The following COX7C variants were observed in gnomAD, a reference collection of about 807,000 sequenced individuals.
The protein encoded by COX7C is cytochrome c oxidase subunit 7C, mitochondrial.
Under a neutral mutation model 6.4 loss-of-function variants are expected in COX7C, and 1 was observed. The ratio of observed to expected loss-of-function variants is 0.16; its 90% confidence interval spans 0.06 to 0.74. The LOEUF is 0.74. Ranked by LOEUF, COX7C falls within the 30% of genes least tolerant of loss-of-function variation. The pLI is 0.78. For synonymous variants in COX7C, 24 were observed against 28.9 expected (o/e 0.83, Z 0.54); for missense variants, 54 against 73.7 (o/e 0.73, Z 0.98).
At chr5:86,620,273 A>C (rs1448313212) in intron 2 of COX7C, 1 of 152,468 alleles carries the variant, frequency 6.6e-6, no homozygotes, top group Non-Finnish European at 1.5e-5. Context: ...GGGCAAAATT[A>C]CCAGTGGTGC....
intron 2 of COX7C, 101 bp from the exon 3 acceptor site, chr5:86,620,567 T>C (rs1359452911): frequency 2.7e-6 from 1 of 371,736 alleles, no homozygotes; most frequent in African/African-American, 2.1e-5. Context: ...CTTTCTGATG[T>C]ACTACTCAAA....
intron 2 of COX7C, 60 bp from the exon 3 acceptor site, chr5:86,620,608 G>C (rs1750101953): frequency 2.4e-6 from 1 of 424,922 alleles, no homozygotes; most frequent in Non-Finnish European, 4.9e-6. Flanking sequence ...GAAACTACAT[G>C]ATTTCTGTTA....
In COX7C at chr5:86,618,149, C is replaced by G; in HGVS notation, c.75+19C>G. 3 of 1,612,884 alleles carry G rather than the reference C, an allele frequency of 1.9e-6. No individual in the cohort carries two copies. Among genetic ancestry groups the G allele is most frequent in the Non-Finnish European group, 1.7e-6 (2 of 1,178,980 alleles). On this transcript the variant is annotated intron_variant, in intron 1 of 2. Transcript: ENST00000247655. Reference sequence around the variant, plus strand: ...TGGGAAGGTTAGTGTGTAAGGGGCACGGCTTCGTTGGGGGAGGGGGCGCTT... The same window carrying G: ...TGGGAAGGTTAGTGTGTAAGGGGCAGGGCTTCGTTGGGGGAGGGGGCGCTT...
rs1750071688 is a variant in COX7C at position 86,619,432 on chromosome 5, C to G, written c.155C>G (p.Pro52Arg). The change falls in exon 2 of 3, where the codon CCC becomes CGC. Residue 52 changes from proline to arginine, a missense_variant. Physicochemically the swap from Pro to Arg is moderately radical, Grantham distance 103. Transcript: ENST00000247655. ...TACTTTGGATCTGCATTTGCTACAC[C>G]CTTCCTTGTAGTAAGACACCAACTG... ...CLYFGSAFAT[P>R]FLVVRHQLLK... 1.2e-6 allele frequency: 2 copies of G among 1,613,240 alleles called. No homozygotes were observed. The highest frequency in any genetic ancestry group is 1.7e-6 in the Non-Finnish European group (2 of 1,179,330).
At chr5:86,618,414 C>T in intron 1 of COX7C, 1 of 432,212 alleles carries the variant, frequency 2.3e-6, no homozygotes, top group Non-Finnish European at 4.3e-6. Flanking sequence ...CTCCGGGAGG[C>T]CACGGCTGTA....
chr5:86,619,705 G>A (rs1368092487), intron 2 of COX7C: 7 of 411,600 alleles, frequency 1.7e-5, no homozygotes, highest in Non-Finnish European at 2.7e-5. Flanking sequence ...CTGCTTATCA[G>A]GTACACTTTA....
chr5:86,618,243 G>T (rs1347155620), intron 1 of COX7C, 113 bp downstream of exon 1: 3 of 944,112 alleles, frequency 3.2e-6, no homozygotes, highest in Middle Eastern at 2.1e-4. Flanking sequence ...CAGAAACCAG[G>T]CTGAGACGCA....
intron 2 of COX7C, chr5:86,619,794 G>A: frequency 4.4e-6 from 1 of 226,620 alleles, no homozygotes; most frequent in South Asian, 8.0e-5. Context: ...ATGTTAAGTT[G>A]TTCAACATCT....
At chr5:86,618,859 C>T (rs866124600) in intron 1 of COX7C, among the ~76,000 whole-genome samples, 3 of 151,550 alleles carry the variant, frequency 2.0e-5, no homozygotes, top group Non-Finnish European at 4.4e-5. Flanking sequence ...GTGTGTGCCT[C>T]TAATCCCAGC....
In COX7C at chr5:86,619,487, C is replaced by T; in HGVS notation, c.*18C>T. On this transcript the variant is annotated 3_prime_UTR_variant, in exon 2 of 3. Coordinates refer to ENST00000247655, the MANE Select transcript of COX7C (RefSeq NM_001867.3). The stretch of plus-strand genomic sequence containing the variant: ...AAACATAAGGATGTTTCAGTTCCTC[C>T]ATTTAACAGGTAGTTAGTGGATTTC... 6.8e-7 allele frequency: 1 copy of T among 1,477,614 alleles called. No individual in the cohort carries two copies. The highest frequency in any genetic ancestry group is 9.5e-7 in the Non-Finnish European group (1 of 1,055,832). 91.5% of individuals were successfully genotyped at this position (1,477,614 alleles called of 1,614,324 possible).
intron 1 of COX7C, among the ~76,000 whole-genome samples, chr5:86,618,795 A>G (rs1750056022): frequency 6.6e-6 from 1 of 152,144 alleles, no homozygotes; most frequent in Admixed American, 6.5e-5. Flanking sequence ...CCTGGCCAAC[A>G]TGGCGAAACC....
chr5:86,619,259 A>C (rs1482447346), intron 1 of COX7C, 94 bp from the exon 2 acceptor site: 4 of 777,890 alleles, frequency 5.1e-6, no homozygotes, highest in Non-Finnish European at 9.0e-6. Flanking sequence ...ATGATGTAAA[A>C]TATAACTAGC....
At chr5:86,618,863 TC>T (rs2112177064) in intron 1 of COX7C, among the ~76,000 whole-genome samples, 1 of 150,882 alleles carries the variant, frequency 6.6e-6, no homozygotes, top group South Asian at 2.1e-4. Flanking sequence ...GTGCCTCTAA[TC>T]CCAGCTACTC....
At chr5:86,620,026 A>G (rs1313468407) in intron 2 of COX7C, 3 of 152,778 alleles carry the variant, frequency 2.0e-5, no homozygotes, top group African/African-American at 7.2e-5. Context: ...TTGGCTTACA[A>G]TACTTGTTTA....
Position 86,617,956 on chromosome 5 carries a change from G to T in COX7C, c.-100G>T, listed in dbSNP as rs911863999. The stretch of plus-strand genomic sequence containing the variant: ...TCCCATCTTTCTTTTCAGTCCTTGC[G>T]CACCGGGGAACAAGGTCGTGAAAAA... On this transcript the variant is annotated 5_prime_UTR_variant, in exon 1 of 3. Coordinates refer to ENST00000247655, the MANE Select transcript of COX7C (RefSeq NM_001867.3). 2.1e-5 allele frequency: 23 copies of T among 1,079,808 alleles called. No homozygotes were observed. Among genetic ancestry groups the T allele is most frequent in the African/African-American group, 9.4e-5 (6 of 63,906 alleles). The allele number at this position is 1,079,808 out of a possible 1,614,324, so 66.9% of individuals were successfully genotyped here.
chr5:86,620,370 G>T lies in COX7C; in HGVS notation c.*28-298G>T, dbSNP rs893085203. The stretch of plus-strand genomic sequence containing the variant: ...ATTGGAAGGTTAGCAGATTTGCTGT[G>T]TGTGGATAAAATATTTAGCTTAATT... On this transcript the variant is annotated intron_variant, in intron 2 of 2. Coordinates refer to ENST00000247655, the MANE Select transcript of COX7C (RefSeq NM_001867.3). 3 of 165,424 alleles carry T rather than the reference G, an allele frequency of 1.8e-5. No individual in the cohort carries two copies. In the South Asian group the frequency reaches 4.8e-4, roughly 27 times the overall value. 10.2% of individuals were successfully genotyped at this position (165,424 alleles called of 1,614,324 possible). A position where few individuals can be genotyped will look rare whatever the true frequency, so the allele number is the denominator to read the frequency against.
rs977666660 is a variant in COX7C, at chr5:86,617,988, C to G, written c.-68C>G. The G allele has an allele frequency of 3.4e-6, 5 of 1,489,218 alleles. No individual in the cohort carries two copies. The East Asian group carries it at 6.8e-5, about 20-fold the overall frequency. The allele number at this position is 1,489,218 out of a possible 1,614,324, so 92.3% of individuals were successfully genotyped here. The stretch of plus-strand genomic sequence containing the variant: ...GGAACAAGGTCGTGAAAAAAAAGGT[C>G]TTGGTGAGGTGCCGCCATTTCATCT... On this transcript the variant is annotated 5_prime_UTR_variant, in exon 1 of 3. Coordinates refer to ENST00000247655, the MANE Select transcript of COX7C (RefSeq NM_001867.3).
In COX7C at chr5:86,618,407, C is replaced by T. The variant is rs189254918; in HGVS notation, c.75+277C>T. On this transcript the variant is annotated intron_variant, in intron 1 of 2. Coordinates refer to ENST00000247655, the MANE Select transcript of COX7C (RefSeq NM_001867.3). ...CCCGCAGAAAGCCCTGAGATGGCTC[C>T]GGGAGGCCACGGCTGTAGGTGTGTT... 543 of 436,908 alleles carry T rather than the reference C, an allele frequency of 1.2e-3. 10 individuals are homozygous for T. In the East Asian group the frequency reaches 0.019, roughly 16 times the overall value. The allele number at this position is 436,908 out of a possible 1,614,324, so 27.1% of individuals were successfully genotyped here. A position where few individuals can be genotyped will look rare whatever the true frequency, so the allele number is the denominator to read the frequency against.
Position 86,620,911 on chromosome 5 carries a change from C to G in COX7C, c.*271C>G, listed in dbSNP as rs1268635885. 6.5e-6 allele frequency: 1 copy of G among 152,714 alleles called. No individual in the cohort carries two copies. The highest frequency in any genetic ancestry group is 1.5e-5 in the Non-Finnish European group (1 of 68,600). 9.5% of individuals were successfully genotyped at this position (152,714 alleles called of 1,614,324 possible). A position where few individuals can be genotyped will look rare whatever the true frequency, so the allele number is the denominator to read the frequency against. The stretch of plus-strand genomic sequence containing the variant: ...GAGGTTATATTAAATTTTTGATTCC[C>G]AGGTCAGGATTTTGTTGGTAATTTA... On this transcript the variant is annotated 3_prime_UTR_variant, in exon 3 of 3. Transcript: ENST00000247655.
Sources: gnomAD v4.1 joint callset for allele counts (sites outside exome capture counted in the v4.1 genomes callset) on GRCh38, gnomAD v4.1.1 for gene constraint, MANE v1.5 for transcripts, NCBI Gene and HGNC (gene_info 2026-07-23, HGNC 2026-07-21) for gene names.